The following VMP1 variants were observed in gnomAD, a reference collection of about 807,000 sequenced individuals.
VMP1 encodes ectopic P-granules autophagy protein 3 homolog.
A neutral mutation model predicts 56.0 loss-of-function variants in VMP1; 11 were observed. That is an observed-to-expected ratio of 0.20 (90% CI 0.12 to 0.32). The LOEUF is 0.32. Ranked by LOEUF, VMP1 falls within the 10% of genes least tolerant of loss-of-function variation. The pLI, the probability that VMP1 is intolerant of heterozygous loss-of-function variation, is 1.00. For missense variants in VMP1, 296 were observed against 490.3 expected, an observed-to-expected ratio of 0.60 and a Z score of 3.74; for synonymous variants, 149 against 165.0, an observed-to-expected ratio of 0.90 and a Z score of 0.74.
At chr17:59,718,258 A>G (rs931749230) in intron 1 of VMP1, among the ~76,000 whole-genome samples, 2 of 127,520 alleles carry the variant, frequency 1.6e-5, no homozygotes, top group African/African-American at 6.0e-5. Flanking sequence ...GTGCAGTGGC[A>G]CAATCTCAGC....
intron 7 of VMP1, among the ~76,000 whole-genome samples, chr17:59,784,495 A>G (rs1186473901): frequency 6.6e-6 from 1 of 152,054 alleles, no homozygotes. Context: ...TGTGTCACTT[A>G]TCACATTCTA....
intron 8 of VMP1, 36 bp from the exon 9 acceptor site, chr17:59,811,634 A>G (rs2038054056): frequency 1.4e-6 from 2 of 1,465,520 alleles, no homozygotes; most frequent in African/African-American, 1.4e-5. Context: ...TGTTCTTTGG[A>G]TTATAATATG....
In VMP1 at chr17:59,831,612, ATT is replaced by A. The variant is rs34016289; in HGVS notation, c.975-6664_975-6663del. The stretch of plus-strand genomic sequence containing the variant: ...TTTGCCCAAATGTTATTTTGAATGG[ATT>A]TTTTTTTTTTTTTTTTTTACAATAT... On this transcript the variant is annotated intron_variant, in intron 10 of 11. Coordinates refer to ENST00000262291, the MANE Select transcript of VMP1 (RefSeq NM_030938.5). 3.7e-3 allele frequency among the ~76,000 whole-genome samples: 496 copies of A among 132,864 alleles called. 1 individual carries two copies. Among genetic ancestry groups the A allele is most frequent in the African/African-American group, 0.011 (400 of 36,146 alleles). The allele number at this position is 132,864 out of a possible 152,430, so 87.2% of individuals were successfully genotyped here. A position where few individuals can be genotyped will look rare whatever the true frequency, so the allele number is the denominator to read the frequency against.
At chr17:59,786,085 A>G (rs564420244) in intron 7 of VMP1, among the ~76,000 whole-genome samples, 1 of 152,336 alleles carries the variant, frequency 6.6e-6, no homozygotes, top group East Asian at 1.9e-4. Flanking sequence ...TTATTTTACT[A>G]GTGAAAATAT....
intron 7 of VMP1, among the ~76,000 whole-genome samples, chr17:59,778,168 C>T (rs748638363): frequency 2.0e-5 from 3 of 152,084 alleles, no homozygotes; most frequent in African/African-American, 7.2e-5. Context: ...TTTCAGGCAT[C>T]GTCTTTTCTG....
intron 1 of VMP1, among the ~76,000 whole-genome samples, chr17:59,724,129 T>C (rs1188387774): frequency 6.6e-6 from 1 of 151,118 alleles, no homozygotes; most frequent in East Asian, 1.9e-4. Flanking sequence ...GGAGGATCAC[T>C]TGAACCCAGG....
intron 1 of VMP1, among the ~76,000 whole-genome samples, chr17:59,722,118 T>G (rs994174732): frequency 1.3e-5 from 2 of 152,244 alleles, no homozygotes; most frequent in African/African-American, 4.8e-5. Flanking sequence ...TTAAAGGCAG[T>G]ATCTCCAAAT....
intron 7 of VMP1, among the ~76,000 whole-genome samples, chr17:59,802,372 T>C (rs1392717479): frequency 6.6e-6 from 1 of 151,266 alleles, no homozygotes; most frequent in Non-Finnish European, 1.5e-5. Flanking sequence ...ATATAACATC[T>C]AGGTTTGTAT....
At chr17:59,813,883 G>C (rs139066317) in intron 9 of VMP1, among the ~76,000 whole-genome samples, 3 of 152,232 alleles carry the variant, frequency 2.0e-5, no homozygotes, top group African/African-American at 7.2e-5. Flanking sequence ...CCTATCTGTA[G>C]TGGTAAGATA....
intron 7 of VMP1, among the ~76,000 whole-genome samples, chr17:59,803,765 AT>A (rs897561371): frequency 6.6e-6 from 1 of 152,160 alleles, no homozygotes; most frequent in African/African-American, 2.4e-5. Context: ...TGAAATATTA[AT>A]TTTTTTAACT....
At chr17:59,714,705 A>G (rs1285419711) in intron 1 of VMP1, among the ~76,000 whole-genome samples, 1 of 152,102 alleles carries the variant, frequency 6.6e-6, no homozygotes, top group Non-Finnish European at 1.5e-5. Flanking sequence ...TCTGTCACCC[A>G]GGCTAGATTG....
intron 2 of VMP1, among the ~76,000 whole-genome samples, chr17:59,732,212 G>T (rs1207719889): frequency 6.6e-6 from 1 of 152,090 alleles, no homozygotes; most frequent in Non-Finnish European, 1.5e-5. Context: ...TAGAGGAAGT[G>T]CAAGGAATCT....
chr17:59,770,586 C>CTT (rs532416792), intron 6 of VMP1, among the ~76,000 whole-genome samples: 2 of 144,554 alleles, frequency 1.4e-5, no homozygotes, highest in Non-Finnish European at 1.5e-5. Flanking sequence ...ACGTTTATTT[C>CTT]TTTTTTTTTT....
At chr17:59,808,968 C>A in intron 8 of VMP1, 92 bp downstream of exon 8, 1 of 990,642 alleles carries the variant, frequency 1.0e-6, no homozygotes, top group Non-Finnish European at 1.5e-6. Context: ...AGTGCTATCA[C>A]TTTTATTGGG....
At chr17:59,827,049 T>A (rs934265296) in intron 10 of VMP1, among the ~76,000 whole-genome samples, 12 of 152,216 alleles carry the variant, frequency 7.9e-5, no homozygotes, top group Non-Finnish European at 4.4e-5. Context: ...GTAGTGTACA[T>A]TTAAGTGCAT....
Position 59,777,336 on chromosome 17 carries a change from G to A in VMP1, c.714+3451G>A, listed in dbSNP as rs189910836. Reference sequence around the variant, plus strand: ...CAATTAATTAACTGAATATAGGATTGTGGGTTGAAAATCACTTTTTATACT... The same window carrying A: ...CAATTAATTAACTGAATATAGGATTATGGGTTGAAAATCACTTTTTATACT... On this transcript the variant is annotated intron_variant, in intron 7 of 11. Transcript: ENST00000262291. Among the ~76,000 whole-genome samples, 20 of 152,282 alleles carry A rather than the reference G, an allele frequency of 1.3e-4. No individual in the cohort carries two copies. The East Asian group carries it at 3.9e-3, about 29-fold the overall frequency.
At chr17:59,836,626 C>T (rs1358007887) in intron 10 of VMP1, among the ~76,000 whole-genome samples, 2 of 151,202 alleles carry the variant, frequency 1.3e-5, no homozygotes, top group African/African-American at 2.4e-5. Context: ...CAGATCAGTT[C>T]GTGTGTGTGT....
At chr17:59,749,385 C>T (rs1201523404) in intron 5 of VMP1, among the ~76,000 whole-genome samples, 1 of 152,086 alleles carries the variant, frequency 6.6e-6, no homozygotes, top group Non-Finnish European at 1.5e-5. Context: ...AGAAGAGAGA[C>T]TGGCCAAGGA....
In VMP1 at chr17:59,841,175, G is replaced by T; in HGVS notation, c.*1264G>T. On this transcript the variant is annotated 3_prime_UTR_variant, in exon 12 of 12. Coordinates refer to ENST00000262291, the MANE Select transcript of VMP1 (RefSeq NM_030938.5). Reference sequence around the variant, plus strand: ...GGCCAGAAATGCCTGGGTTTTTTTGGTTTGTTTTTGTTTTTGTTTTTTTAT... The same window carrying T: ...GGCCAGAAATGCCTGGGTTTTTTTGTTTTGTTTTTGTTTTTGTTTTTTTAT... The T allele has an allele frequency of 7.7e-6, 3 of 387,982 alleles. No homozygotes were observed. Among genetic ancestry groups the T allele is most frequent in the Admixed American group, 7.3e-5 (3 of 41,214 alleles). 24.0% of individuals were successfully genotyped at this position (387,982 alleles called of 1,614,324 possible). A position where few individuals can be genotyped will look rare whatever the true frequency, so the allele number is the denominator to read the frequency against.
Sources: allele counts gnomAD v4.1 joint callset (sites outside exome capture counted in the v4.1 genomes callset), GRCh38; gene constraint gnomAD v4.1.1; transcripts MANE v1.5; gene names NCBI Gene and HGNC (gene_info 2026-07-23, HGNC 2026-07-21).